RNF217: variants seen among roughly 807,000 people sequenced by gnomAD.
The protein encoded by RNF217 is E3 ubiquitin-protein ligase RNF217.
In RNF217, 31 loss-of-function variants were observed where a neutral mutation model predicts 57.8. That is an observed-to-expected ratio of 0.54 (90% CI 0.40 to 0.72). The LOEUF (loss-of-function observed/expected upper bound fraction) is 0.72. RNF217 is among the 30% of genes least tolerant of loss of function. RNF217 has a pLI of 0.00. For synonymous variants in RNF217, 313 were observed against 294.0 expected, an observed-to-expected ratio of 1.06 and a Z score of -0.66; for missense variants, 696 against 708.3, an observed-to-expected ratio of 0.98 and a Z score of 0.20.
At chr6:125,067,097 G>GT (rs1375731162) in intron 3 of RNF217, among the ~76,000 whole-genome samples, 1 of 152,198 alleles carries the variant, frequency 6.6e-6, no homozygotes, top group East Asian at 1.9e-4. Flanking sequence ...ATGGCATGAT[G>GT]AAAGGTATCC....
chr6:125,070,144 G>A (rs1041647721), intron 3 of RNF217, among the ~76,000 whole-genome samples: 1 of 152,050 alleles, frequency 6.6e-6, no homozygotes, highest in African/African-American at 2.4e-5. Context: ...TTAGAGTAAT[G>A]GCCTCCAGCT....
At chr6:125,043,817 T>C (rs1376090307) in intron 1 of RNF217, among the ~76,000 whole-genome samples, 20 of 152,148 alleles carry the variant, frequency 1.3e-4, no homozygotes, top group Non-Finnish European at 1.5e-5. Flanking sequence ...AAATCCTCTC[T>C]GGGCCATGTT....
At chr6:125,042,532 T>TA (rs766544818) in intron 1 of RNF217, among the ~76,000 whole-genome samples, 45 of 152,000 alleles carry the variant, frequency 3.0e-4, no homozygotes, top group Admixed American at 6.6e-4. Context: ...GAAGGGAAGG[T>TA]AAAAAATAGT....
At chr6:125,082,351 T>C (rs1788604213) in intron 5 of RNF217, 5 of 1,210,938 alleles carry the variant, frequency 4.1e-6, no homozygotes, top group Non-Finnish European at 4.3e-6. Flanking sequence ...AAGTAATAAA[T>C]GTGCAGGACA....
intron 3 of RNF217, among the ~76,000 whole-genome samples, chr6:125,058,718 G>A (rs568978753): frequency 3.5e-4 from 53 of 152,274 alleles, no homozygotes; most frequent in Admixed American, 9.2e-4. Context: ...TTGAAAGTTA[G>A]CCAAGCAAAC....
At chr6:124,981,514 C>T (rs1441205465) in intron 1 of RNF217, among the ~76,000 whole-genome samples, 3 of 152,112 alleles carry the variant, frequency 2.0e-5, no homozygotes, top group African/African-American at 7.2e-5. Flanking sequence ...CAAAAGATTA[C>T]ATTCTTTTGA....
intron 1 of RNF217, among the ~76,000 whole-genome samples, chr6:125,014,772 G>A (rs114263817): frequency 9.1e-4 from 139 of 152,196 alleles, no homozygotes; most frequent in African/African-American, 3.3e-3. Flanking sequence ...TGTGATGAAA[G>A]GAAGTTATTT....
intron 3 of RNF217, among the ~76,000 whole-genome samples, chr6:125,069,154 G>A (rs1788044206): frequency 6.6e-6 from 1 of 152,076 alleles, no homozygotes; most frequent in African/African-American, 2.4e-5. Flanking sequence ...GACTTAACTT[G>A]AAACATGAAA....
At chr6:125,046,525 ATCCACAGTAGAGAATC>A (rs1401398944) in intron 2 of RNF217, 9 of 453,172 alleles carry the variant, frequency 2.0e-5, no homozygotes, top group Non-Finnish European at 4.0e-5. Flanking sequence ...CAGGTGACTA[ATCCACAGTAGAGAATC>A]TTTGCAGTAA....
chr6:124,974,046 A>C (rs1783862445), intron 1 of RNF217, among the ~76,000 whole-genome samples: 1 of 152,024 alleles, frequency 6.6e-6, no homozygotes, highest in African/African-American at 2.4e-5. Context: ...AGAGCTTCTT[A>C]TTTGCAGGCT....
intron 1 of RNF217, among the ~76,000 whole-genome samples, chr6:125,040,000 A>G (rs1225344130): frequency 6.6e-6 from 1 of 152,202 alleles, no homozygotes; most frequent in Non-Finnish European, 1.5e-5. Context: ...AAAGCTGGAA[A>G]GATCTGAAAT....
rs538550101 is a variant in RNF217, at chr6:125,032,209, T to C, written c.883-13002T>C. Among the ~76,000 whole-genome samples the C allele has an allele frequency of 5.3e-5, 8 of 152,256 alleles. No individual in the cohort carries two copies. In the South Asian group the frequency reaches 1.7e-3, roughly 32 times the overall value. On this transcript the variant is annotated intron_variant, in intron 1 of 5. Transcript: ENST00000521654. ...ACACAGCCAAACCATATCAGCTGCTTTCTCCACTACACAGTAAAGAGGGTT... is the reference window on the plus strand; with the variant it reads ...ACACAGCCAAACCATATCAGCTGCTCTCTCCACTACACAGTAAAGAGGGTT...
At chr6:125,059,002 TG>T (rs1372651923) in intron 3 of RNF217, among the ~76,000 whole-genome samples, 1 of 152,204 alleles carries the variant, frequency 6.6e-6, no homozygotes, top group Non-Finnish European at 1.5e-5. Context: ...AAACTTGAAT[TG>T]CCAGAAAATG....
In RNF217 at chr6:124,962,518, C is replaced by A; in HGVS notation, c.-27C>A. 8.9e-7 allele frequency: 1 copy of A among 1,129,830 alleles called. No individual in the cohort carries two copies. Among genetic ancestry groups the A allele is most frequent in the Non-Finnish European group, 1.1e-6 (1 of 915,536 alleles). 70.0% of individuals were successfully genotyped at this position (1,129,830 alleles called of 1,614,324 possible). On this transcript the variant is annotated 5_prime_UTR_variant, in exon 1 of 6. Coordinates refer to ENST00000521654, the MANE Select transcript of RNF217 (RefSeq NM_001286398.3). The surrounding 1 kb of genome is among the most constrained non-coding windows in gnomAD (Gnocchi z 4.6). ...GTGGGGGTCCCGGCGGCTGGATGGGCAGCGGCGGCGCGGGCCGCGGGCGGC... is the reference window on the plus strand; with the variant it reads ...GTGGGGGTCCCGGCGGCTGGATGGGAAGCGGCGGCGCGGGCCGCGGGCGGC...
rs1369432118 is a variant in RNF217 at position 125,087,197 on chromosome 6, T to C, written c.*4260T>C. ...TTGTTAAATGAAATTGTTTTTAACATTACACTTTTATACTGGCTGTTACAT... is the reference window on the plus strand; with the variant it reads ...TTGTTAAATGAAATTGTTTTTAACACTACACTTTTATACTGGCTGTTACAT... On this transcript the variant is annotated 3_prime_UTR_variant, in exon 6 of 6. Coordinates refer to ENST00000521654, the MANE Select transcript of RNF217 (RefSeq NM_001286398.3). The C allele has an allele frequency of 1.3e-5, 2 of 152,160 alleles. No individual in the cohort carries two copies. Among genetic ancestry groups the C allele is most frequent in the Non-Finnish European group, 2.9e-5 (2 of 68,008 alleles). The allele number at this position is 152,160 out of a possible 1,614,324, so 9.4% of individuals were successfully genotyped here.
rs1245736603 is a variant in RNF217, at chr6:125,088,750, G to A, written c.*5813G>A. 1 of 151,840 alleles carries A rather than the reference G, an allele frequency of 6.6e-6. No individual in the cohort carries two copies. The highest frequency in any genetic ancestry group is 1.9e-4 in the East Asian group (1 of 5,192). 9.4% of individuals were successfully genotyped at this position (151,840 alleles called of 1,614,324 possible). A position where few individuals can be genotyped will look rare whatever the true frequency, so the allele number is the denominator to read the frequency against. On this transcript the variant is annotated 3_prime_UTR_variant, in exon 6 of 6. Transcript: ENST00000521654. ...TTTCTTCTAAAAATTTTCATTTGGT[G>A]TATCTAACTTTGTATCACTTAAATT...
Position 125,090,101 on chromosome 6 carries a change from T to C in RNF217, c.*7164T>C, listed in dbSNP as rs986443698. 6.6e-6 allele frequency: 1 copy of C among 152,046 alleles called. No homozygotes were observed. The highest frequency in any genetic ancestry group is 1.5e-5 in the Non-Finnish European group (1 of 67,978). 9.4% of individuals were successfully genotyped at this position (152,046 alleles called of 1,614,324 possible). On this transcript the variant is annotated 3_prime_UTR_variant, in exon 6 of 6. Coordinates refer to ENST00000521654, the MANE Select transcript of RNF217 (RefSeq NM_001286398.3). ...TATTATTTGATCATTTTCATCACAA[T>C]TGCAATCCTCTAGAGGGTATTTTAA... is the stretch of plus-strand genomic sequence containing the variant.
In RNF217 at chr6:125,076,756, T is replaced by C. The variant is rs147762287; in HGVS notation, c.1381T>C (p.Phe461Leu). Residue 461 changes from phenylalanine (F) to leucine (L), a missense_variant, in exon 4 of 6, where the codon TTT becomes CTT. This residue lies in a region of RNF217 where 231 missense variants were observed against 321.4 expected (regional missense o/e 0.72). Coordinates refer to ENST00000521654, the MANE Select transcript of RNF217 (RefSeq NM_001286398.3). ...RCGERYRQLR[F>L]FGDHTSNLSI... is the part of the protein sequence containing the mutation. ...TGGTGAGAGATACCGCCAGCTCCGATTTTTTGGAGACCACACATCAAACCT... is the reference window on the plus strand; with the variant it reads ...TGGTGAGAGATACCGCCAGCTCCGACTTTTTGGAGACCACACATCAAACCT... 31 of 1,613,470 alleles carry C rather than the reference T, an allele frequency of 1.9e-5. No homozygotes were observed. Among genetic ancestry groups the C allele is most frequent in the East Asian group, 4.5e-5 (2 of 44,856 alleles).
intron 1 of RNF217, among the ~76,000 whole-genome samples, chr6:125,003,245 C>T (rs1267096552): frequency 6.6e-6 from 1 of 152,060 alleles, no homozygotes; most frequent in African/African-American, 2.4e-5. Flanking sequence ...TTAGCAGAAT[C>T]GAGAGGCTGT....
Sources: gnomAD v4.1 joint callset for allele counts (sites outside exome capture counted in the v4.1 genomes callset) on GRCh38, gnomAD v4.1.1 for gene constraint, gnomAD v4.1.1 regional missense constraint, Gnocchi (gnomAD v3.1) non-coding constraint, MANE v1.5 for transcripts, NCBI Gene and HGNC (gene_info 2026-07-23, HGNC 2026-07-21) for gene names.